ZNF512B: variants seen among roughly 807,000 people sequenced by gnomAD.
ZNF512B encodes zinc finger protein 512B.
Under a neutral mutation model 87.8 loss-of-function variants are expected in ZNF512B, and 22 were observed. The observed-to-expected ratio is 0.25, with a 90% confidence interval of 0.18 to 0.36. The LOEUF (loss-of-function observed/expected upper bound fraction) is 0.36. Ranked by LOEUF, ZNF512B falls within the 10% of genes least tolerant of loss-of-function variation. The pLI is 1.00. For synonymous variants in ZNF512B, 524 were observed against 490.9 expected (o/e 1.07, Z -0.89); for missense variants, 1,060 against 1,231.6 (o/e 0.86, Z 2.09).
At chr20:63,963,944 G>C in intron 8 of ZNF512B, 31 bp from the exon 9 acceptor site, 1 of 1,604,836 alleles carries the variant, frequency 6.2e-7, no homozygotes, top group Non-Finnish European at 8.5e-7. Flanking sequence ...TCGAAGGCTT[G>C]TGGGGGCTGC....
chr20:63,967,453 T>C lies in ZNF512B; in HGVS notation c.192A>G (p.Pro64=). ...QAPLCFDPGS[P]ASDKTEGKKK... is the part of the protein sequence containing the mutation. ...TCTTCCCTTCTGTCTTGTCACTGGC[T>C]GGACTTCCCGGGTCAAAGCAGAGAG... The change falls in exon 3 of 17, where the codon CCA becomes CCG. Residue 64 remains proline (P), a synonymous_variant. Transcript: ENST00000369888. 6.2e-7 allele frequency: 1 copy of C among 1,613,326 alleles called. No homozygotes were observed. Among genetic ancestry groups the C allele is most frequent in the Non-Finnish European group, 8.5e-7 (1 of 1,179,682 alleles).
chr20:63,959,680 G>T lies in ZNF512B; in HGVS notation c.*208C>A. 2 of 689,762 alleles carry T rather than the reference G, an allele frequency of 2.9e-6. No individual in the cohort carries two copies. The highest frequency in any genetic ancestry group is 4.6e-6 in the Non-Finnish European group (2 of 436,674). The allele number at this position is 689,762 out of a possible 1,614,324, so 42.7% of individuals were successfully genotyped here. Reference sequence around the variant, plus strand: ...TGCACTTCTGCTGGGCACACCTTGGGGAGCCCCAACCCAGGTGTGCCCTGT... The same window carrying T: ...TGCACTTCTGCTGGGCACACCTTGGTGAGCCCCAACCCAGGTGTGCCCTGT... On this transcript the variant is annotated 3_prime_UTR_variant, in exon 17 of 17. Transcript: ENST00000369888.
At chr20:63,960,569 T>C (rs1354659980) in intron 16 of ZNF512B, among the ~76,000 whole-genome samples, 3 of 111,488 alleles carry the variant, frequency 2.7e-5, no homozygotes, top group African/African-American at 6.9e-5. Context: ...GACACAGCCT[T>C]CAGGACCAGG....
rs776926482 is a variant in ZNF512B at position 63,960,019 on chromosome 20, C to A, written c.2548G>T (p.Glu850Ter). The A allele has an allele frequency of 2.5e-6, 4 of 1,613,712 alleles. No homozygotes were observed. The highest frequency in any genetic ancestry group is 3.4e-6 in the Non-Finnish European group (4 of 1,180,020). The stretch of plus-strand genomic sequence containing the variant: ...GCCACAGGCTCCTCTGGGGTCCGCT[C>A]CTTGGGCTTTCGGCCCCGCTTCTTT... Reference protein sequence around the residue: ...GGKKRGRKPKERTPEEPVAKL... With the variant: ...GGKKRGRKPK Residue 850 changes from glutamate to a stop codon, truncating the protein, a stop_gained, in exon 17 of 17, where the codon GAG (glutamate) becomes TAG (stop). Coordinates refer to ENST00000369888, the MANE Select transcript of ZNF512B (RefSeq NM_020713.3). LOFTEE classifies it high-confidence loss of function.
chr20:63,967,486 G>T lies in ZNF512B; in HGVS notation c.159C>A (p.Gly53=). 6.2e-7 allele frequency: 1 copy of T among 1,611,338 alleles called. No individual in the cohort carries two copies. The highest frequency in any genetic ancestry group is 8.5e-7 in the Non-Finnish European group (1 of 1,178,886). The change falls in exon 3 of 17, where the codon GGC becomes GGA. Residue 53 remains glycine, a synonymous_variant. Coordinates refer to ENST00000369888, the MANE Select transcript of ZNF512B (RefSeq NM_020713.3). ...CCGGGTCAAAGCAGAGAGGGGCCTGGCCGGGCACTGTCTGTCCACCACGGA... is the reference window on the plus strand; with the variant it reads ...CCGGGTCAAAGCAGAGAGGGGCCTGTCCGGGCACTGTCTGTCCACCACGGA... The part of the protein sequence containing the change: ...PVVRGGQTVP[G]QAPLCFDPGS...
At chr20:63,962,863 C>G (rs1460333812) in intron 12 of ZNF512B, 82 bp from the exon 13 acceptor site, 16 of 1,394,198 alleles carry the variant, frequency 1.1e-5, no homozygotes, top group Non-Finnish European at 1.4e-5. Context: ...CACCCTAAGG[C>G]CGGTGGACCC....
Position 63,962,002 on chromosome 20 carries a change from G to A in ZNF512B, c.2268C>T (p.Cys756=). Residue 756 remains cysteine (C), a splice_region_variant and synonymous_variant, in exon 15 of 17, where the codon TGC becomes TGT. Transcript: ENST00000369888. The part of the protein sequence containing the change: ...EKGHVNCPND[C]CEAIYSSVSG... ...ACACGCTGGAGTAGATGGCTTCACA[G>A]CACTGCAGGGAAGGGAGCCGTGGGC... is the stretch of plus-strand genomic sequence containing the variant. The A allele has an allele frequency of 6.4e-7, 1 of 1,550,994 alleles. No individual in the cohort carries two copies. Among genetic ancestry groups the A allele is most frequent in the Non-Finnish European group, 8.7e-7 (1 of 1,146,910 alleles).
At chr20:63,968,153 A>G (rs1464364317) in intron 1 of ZNF512B, among the ~76,000 whole-genome samples, 1 of 152,232 alleles carries the variant, frequency 6.6e-6, no homozygotes, top group Non-Finnish European at 1.5e-5. Context: ...AGGTCTCCCC[A>G]GATAACCCAG....
chr20:63,969,864 G>A lies in ZNF512B; in HGVS notation c.-53C>T, dbSNP rs1211284648. 6.2e-5 allele frequency: 9 copies of A among 144,976 alleles called. No homozygotes were observed. The highest frequency in any genetic ancestry group is 1.2e-4 in the African/African-American group (5 of 40,480). 9.0% of individuals were successfully genotyped at this position (144,976 alleles called of 1,614,324 possible). On this transcript the variant is annotated 5_prime_UTR_variant, in exon 1 of 17. Coordinates refer to ENST00000369888, the MANE Select transcript of ZNF512B (RefSeq NM_020713.3). ...CGGGCCGGGCCGGGCCGGGGCGGGG[G>A]GCGCGGGGCGCGGGGCGCTGGGTCC...
intron 12 of ZNF512B, 28 bp downstream of exon 12, chr20:63,963,066 AC>A (rs2058873501): frequency 6.6e-7 from 1 of 1,523,780 alleles, no homozygotes; most frequent in Admixed American, 1.9e-5. Context: ...AGGAACAAGC[AC>A]TGTGCCACAG....
Position 63,964,638 on chromosome 20 carries a change from G to A in ZNF512B, c.1113C>T (p.Ser371=). 1.2e-6 allele frequency: 2 copies of A among 1,612,788 alleles called. No homozygotes were observed. The highest frequency in any genetic ancestry group is 1.7e-6 in the Non-Finnish European group (2 of 1,179,932). ...GCTGGAAGGCCGAGCTCTGGCCCAT[G>A]GAGGAGGGGCCGTACTCCCCATTCT... The part of the protein sequence containing the change: ...RPENGEYGPS[S]MGQSSAFQLS... Residue 371 remains serine (S), a synonymous_variant, in exon 6 of 17, where the codon TCC becomes TCT. Transcript: ENST00000369888.
intron 3 of ZNF512B, 96 bp downstream of exon 3, chr20:63,967,285 G>A (rs1308549603): frequency 6.7e-7 from 1 of 1,488,260 alleles, no homozygotes; most frequent in Non-Finnish European, 9.0e-7. Flanking sequence ...GAGGCATAGA[G>A]TTGGTACCAG....
intron 13 of ZNF512B, 67 bp downstream of exon 13, chr20:63,962,520 C>G: frequency 6.4e-7 from 1 of 1,560,938 alleles, no homozygotes; most frequent in Non-Finnish European, 8.6e-7. Flanking sequence ...TGTCCCAAGT[C>G]TCAGGCCAAG....
chr20:63,967,546 G>T, intron 2 of ZNF512B, 23 bp from the exon 3 acceptor site: 1 of 1,573,052 alleles, frequency 6.4e-7, no homozygotes, highest in Non-Finnish European at 8.6e-7. Context: ...ACACAGCAAG[G>T]CTCGGAAGCT....
rs1167132163 is a variant in ZNF512B, at chr20:63,963,857, G to A, written c.1537C>T (p.Pro513Ser). Residue 513 changes from proline (P) to serine (S), a missense_variant, in exon 9 of 17, where the codon CCC (proline) becomes TCC (serine). By Grantham distance (74) the Pro-to-Ser change is moderately conservative. Transcript: ENST00000369888. ...TTCCGGGTGACCACGTTGCAGGTGG[G>A]GCAGACGGCTTCCCCGCGCTCATGG... is the stretch of plus-strand genomic sequence containing the variant. ...AIHERGEAVCPTCNVVTRKTL... is the reference protein window; with the variant it reads ...AIHERGEAVCSTCNVVTRKTL... The A allele has an allele frequency of 6.2e-7, 1 of 1,612,606 alleles. No homozygotes were observed. Among genetic ancestry groups the A allele is most frequent in the Non-Finnish European group, 8.5e-7 (1 of 1,180,036 alleles).
rs1228028573 is a variant in ZNF512B, at chr20:63,967,488, CGGG to C, written c.154_156del (p.Pro52del). 1 of 1,610,794 alleles carries C rather than the reference CGGG, an allele frequency of 6.2e-7. No homozygotes were observed. The highest frequency in any genetic ancestry group is 2.2e-5 in the East Asian group (1 of 44,802). On this transcript the variant is annotated inframe_deletion, in exon 3 of 17. Coordinates refer to ENST00000369888, the MANE Select transcript of ZNF512B (RefSeq NM_020713.3). ...GGGTCAAAGCAGAGAGGGGCCTGGCCGGGCACTGTCTGTCCACCACGGACCACC... is the reference window on the plus strand; with the variant it reads ...GGGTCAAAGCAGAGAGGGGCCTGGCCCACTGTCTGTCCACCACGGACCACC...
rs750330203 is a variant in ZNF512B, at chr20:63,966,947, G to C, written c.322C>G (p.Pro108Ala). The change falls in exon 4 of 17, where the codon CCA becomes GCA. Residue 108 changes from proline to alanine, a missense_variant. By Grantham distance (27) the Pro-to-Ala change is conservative. Transcript: ENST00000369888. ...EFKAHSRVKC[P>A]NSGCWLEFPS... is the part of the protein sequence containing the mutation. Reference sequence around the variant, plus strand: ...AACTCCAGCCAGCACCCTGAGTTTGGACACTTCACCCTCGAGTGTGCCTTG... The same window carrying C: ...AACTCCAGCCAGCACCCTGAGTTTGCACACTTCACCCTCGAGTGTGCCTTG... 6.2e-7 allele frequency: 1 copy of C among 1,613,792 alleles called. No individual in the cohort carries two copies. Among genetic ancestry groups the C allele is most frequent in the Non-Finnish European group, 8.5e-7 (1 of 1,180,026 alleles).
In ZNF512B at chr20:63,964,211, A is replaced by G. The variant is rs760263797; in HGVS notation, c.1340T>C (p.Val447Ala). Residue 447 changes from valine to alanine, a missense_variant, in exon 8 of 17, where the codon GTC (valine) becomes GCC (alanine). Around this residue, in one of 9 missense-constraint regions of ZNF512B, gnomAD observed 212 missense variants for 207.6 expected, o/e 1.02. Coordinates refer to ENST00000369888, the MANE Select transcript of ZNF512B (RefSeq NM_020713.3). ...ISGTFGLKGL[V>A]KAEDKARVHR... ...AACTCGGGCCTTGTCCTCAGCTTTG[A>G]CCAGGCCTGTGTGCACACATGGGGT... 6.2e-7 allele frequency: 1 copy of G among 1,603,542 alleles called. No homozygotes were observed. Among genetic ancestry groups the G allele is most frequent in the Admixed American group, 1.7e-5 (1 of 58,216 alleles).
intron 1 of ZNF512B, 38 bp downstream of exon 1, chr20:63,969,776 G>A (rs1307331938): frequency 7.1e-6 from 1 of 141,570 alleles, no homozygotes; most frequent in Non-Finnish European, 1.6e-5. Context: ...CGCCGGGGCT[G>A]CGGCCAGAAT....
Sources: gnomAD v4.1 joint callset for allele counts (sites outside exome capture counted in the v4.1 genomes callset) on GRCh38, gnomAD v4.1.1 for gene constraint, gnomAD v4.1.1 regional missense constraint, MANE v1.5 for transcripts, NCBI Gene and HGNC (gene_info 2026-07-23, HGNC 2026-07-21) for gene names.